CNTNAP5: variants seen among roughly 807,000 people sequenced by gnomAD.
The protein encoded by CNTNAP5 is contactin associated protein family member 5.
In CNTNAP5, 72 loss-of-function variants were observed where a neutral mutation model predicts 150.2. That is an observed-to-expected ratio of 0.48 (90% CI 0.40 to 0.58). The LOEUF (loss-of-function observed/expected upper bound fraction) is 0.58. Ranked by LOEUF, CNTNAP5 falls within the 20% of genes least tolerant of loss-of-function variation. CNTNAP5 has a pLI of 0.00. For synonymous variants in CNTNAP5, 672 were observed against 619.8 expected, an observed-to-expected ratio of 1.08 and a Z score of -1.25; for missense variants, 1,636 against 1,626.2, an observed-to-expected ratio of 1.01 and a Z score of -0.10.
At chr2:124,060,388 A>G (rs1681975716) in intron 1 of CNTNAP5, among the ~76,000 whole-genome samples, 1 of 152,194 alleles carries the variant, frequency 6.6e-6, no homozygotes, top group African/African-American at 2.4e-5. Context: ...AGATTGGGGG[A>G]CCGATAAAAT....
chr2:124,764,415 C>T (rs1473084628), intron 16 of CNTNAP5, among the ~76,000 whole-genome samples: 1 of 152,148 alleles, frequency 6.6e-6, no homozygotes, highest in Non-Finnish European at 1.5e-5. Flanking sequence ...GTATTTCTTA[C>T]CTGTGACTTT....
intron 1 of CNTNAP5, among the ~76,000 whole-genome samples, chr2:124,113,790 C>A (rs1385047882): frequency 6.6e-6 from 1 of 151,680 alleles, no homozygotes; most frequent in Non-Finnish European, 1.5e-5. Flanking sequence ...TATTTATAAT[C>A]CTTTTGAAAT....
intron 3 of CNTNAP5, among the ~76,000 whole-genome samples, chr2:124,252,241 C>T (rs1558820437): frequency 1.3e-5 from 2 of 152,132 alleles, no homozygotes; most frequent in South Asian, 2.1e-4. Context: ...ACAGCTTGGG[C>T]GGGGCATCCT....
intron 10 of CNTNAP5, among the ~76,000 whole-genome samples, chr2:124,558,177 T>A (rs561398411): frequency 1.3e-5 from 2 of 152,284 alleles, no homozygotes; most frequent in African/African-American, 2.4e-5. Context: ...TTGCAGTTAT[T>A]CTGGTGAGTG....
At position 124,247,553 on chromosome 2, in the gene CNTNAP5, A is replaced by G. The variant is rs201449749; in HGVS notation, c.381+5160A>G. Among the ~76,000 whole-genome samples, 9 of 151,814 alleles carry G rather than the reference A, an allele frequency of 5.9e-5. No homozygotes were observed. In the East Asian group the frequency reaches 1.4e-3, roughly 23 times the overall value. ...GTTATGTTGGCTTGTCAGCAACTAC[A>G]GAGTACTGTATGTGTAACAAAAATT... On this transcript the variant is annotated intron_variant, in intron 3 of 23. Coordinates refer to ENST00000682447, the MANE Select transcript of CNTNAP5 (RefSeq NM_001367498.1).
intron 12 of CNTNAP5, among the ~76,000 whole-genome samples, chr2:124,638,717 G>C (rs1303338301): frequency 6.6e-6 from 1 of 152,014 alleles, no homozygotes; most frequent in Non-Finnish European, 1.5e-5. Flanking sequence ...ATATCAGTTT[G>C]TCCTTTCTGT....
At chr2:124,371,606 C>T (rs1181578066) in intron 3 of CNTNAP5, among the ~76,000 whole-genome samples, 2 of 152,050 alleles carry the variant, frequency 1.3e-5, no homozygotes, top group Non-Finnish European at 2.9e-5. Context: ...CATGGCACTT[C>T]CTAAATTTTG....
intron 14 of CNTNAP5, among the ~76,000 whole-genome samples, chr2:124,759,387 T>C (rs1019988609): frequency 2.7e-5 from 4 of 146,750 alleles, no homozygotes; most frequent in Admixed American, 6.9e-5. Flanking sequence ...TATATATATA[T>C]AAATTATATA....
At chr2:124,727,893 G>C (rs1351612730) in intron 13 of CNTNAP5, among the ~76,000 whole-genome samples, 1 of 115,140 alleles carries the variant, frequency 8.7e-6, no homozygotes, top group African/African-American at 3.1e-5. Flanking sequence ...CCTAATCTTA[G>C]AGGAAAATCT....
At chr2:124,261,123 G>A (rs893945330) in intron 3 of CNTNAP5, among the ~76,000 whole-genome samples, 6 of 152,076 alleles carry the variant, frequency 3.9e-5, no homozygotes, top group African/African-American at 9.7e-5. Context: ...ATTCTGAAAA[G>A]CGATACATAT....
At chr2:124,435,272 G>C (rs536804129) in intron 5 of CNTNAP5, among the ~76,000 whole-genome samples, 1 of 152,078 alleles carries the variant, frequency 6.6e-6, no homozygotes, top group African/African-American at 2.4e-5. Context: ...CACACAGTTA[G>C]GACATGGCCT....
At chr2:124,331,990 C>T (rs1381129033) in intron 3 of CNTNAP5, among the ~76,000 whole-genome samples, 1 of 151,764 alleles carries the variant, frequency 6.6e-6, no homozygotes, top group Non-Finnish European at 1.5e-5. Flanking sequence ...TAAATAATTT[C>T]CTTTTAATCT....
At chr2:124,056,693 C>T (rs1681855810) in intron 1 of CNTNAP5, among the ~76,000 whole-genome samples, 1 of 152,110 alleles carries the variant, frequency 6.6e-6, no homozygotes, top group Non-Finnish European at 1.5e-5. Flanking sequence ...GGAGTGACTA[C>T]TCCTGCCATG....
At chr2:124,152,349 A>G (rs1426163006) in intron 1 of CNTNAP5, among the ~76,000 whole-genome samples, 1 of 152,170 alleles carries the variant, frequency 6.6e-6, no homozygotes, top group Non-Finnish European at 1.5e-5. Flanking sequence ...AATTTCTTAT[A>G]TGGTAGATTG....
At chr2:124,860,055 T>TAA (rs879847789) in intron 19 of CNTNAP5, among the ~76,000 whole-genome samples, 16 of 142,808 alleles carry the variant, frequency 1.1e-4, no homozygotes, top group African/African-American at 4.1e-4. Flanking sequence ...ACTTAAAGTA[T>TAA]AAAAAAAAAA....
intron 17 of CNTNAP5, among the ~76,000 whole-genome samples, chr2:124,787,709 C>A (rs1403318218): frequency 6.6e-6 from 1 of 152,054 alleles, no homozygotes; most frequent in Non-Finnish European, 1.5e-5. Context: ...CATTGACCCA[C>A]CATTGGGCCA....
chr2:124,195,334 T>C (rs1685557509), intron 1 of CNTNAP5, among the ~76,000 whole-genome samples: 1 of 152,322 alleles, frequency 6.6e-6, no homozygotes, highest in East Asian at 1.9e-4. Flanking sequence ...CTCACTTTTG[T>C]GCTTTTAGAG....
At chr2:124,720,106 C>A (rs555287944) in intron 13 of CNTNAP5, among the ~76,000 whole-genome samples, 1 of 152,260 alleles carries the variant, frequency 6.6e-6, no homozygotes, top group African/African-American at 2.4e-5. Flanking sequence ...TTTTGAATGA[C>A]CTTTTAGCTT....
intron 11 of CNTNAP5, among the ~76,000 whole-genome samples, chr2:124,591,940 G>A (rs1316775278): frequency 6.6e-6 from 1 of 151,766 alleles, no homozygotes; most frequent in Non-Finnish European, 1.5e-5. Context: ...ATACAAATAA[G>A]TTCATACCCC....
Sources: allele counts gnomAD v4.1 joint callset (sites outside exome capture counted in the v4.1 genomes callset), GRCh38; gene constraint gnomAD v4.1.1; transcripts MANE v1.5; gene names NCBI Gene and HGNC (gene_info 2026-07-23, HGNC 2026-07-21).